KDM4B: variants seen among roughly 807,000 people sequenced by gnomAD.
The protein encoded by KDM4B is lysine-specific demethylase 4B.
KDM4B carries 32 observed loss-of-function variants against 125.2 expected under a neutral mutation model. The observed-to-expected ratio is 0.26, with a 90% CI of 0.19 to 0.34. The LOEUF (loss-of-function observed/expected upper bound fraction) is 0.34. Among genes scored for constraint, KDM4B ranks in the 10% least tolerant of loss-of-function variants. The probability of loss-of-function intolerance (pLI) is 1.00; values close to 1 mark genes in which losing one functional copy is unlikely to be tolerated. For missense variants in KDM4B, 1,190 were observed against 1,577.7 expected, an observed-to-expected ratio of 0.75 and a Z score of 4.16; for synonymous variants, 721 against 677.9, an observed-to-expected ratio of 1.06 and a Z score of -0.99.
chr19:5,133,839 AG>A, intron 13 of KDM4B, 43 bp from the exon 14 acceptor site: 1 of 1,597,676 alleles, frequency 6.3e-7, no homozygotes, highest in East Asian at 2.3e-5. Flanking sequence ...ACGAGTTTTT[AG>A]GGGGCTCAAG....
chr19:5,138,949 C>T (rs918216266), intron 18 of KDM4B, among the ~76,000 whole-genome samples: 10 of 152,206 alleles, frequency 6.6e-5, no homozygotes, highest in Non-Finnish European at 2.9e-5. Context: ...GAGACAGGGT[C>T]TCTCACTCTG....
At chr19:5,057,065 T>TGTGTGTGC (rs55806859) in intron 6 of KDM4B, among the ~76,000 whole-genome samples, 6,183 of 127,974 alleles carry the variant, frequency 0.048, 154 homozygotes, top group African/African-American at 0.085. Flanking sequence ...TGTGTGTGTG[T>TGTGTGTGC]GCGCGCGCGC....
Position 5,010,513 on chromosome 19 carries a change from G to A in KDM4B, c.-108-5744G>A, listed in dbSNP as rs546213387. Among the ~76,000 whole-genome samples, 3 of 152,298 alleles carry A rather than the reference G, an allele frequency of 2.0e-5. No homozygotes were observed. In the South Asian group the frequency reaches 6.2e-4, roughly 32 times the overall value. On this transcript the variant is annotated intron_variant, in intron 1 of 22. Coordinates refer to ENST00000159111, the MANE Select transcript of KDM4B (RefSeq NM_015015.3). ...TCACCAATTTTTACATTTCCGCGTG[G>A]CTCTTTCCTGCAGGAAATATTCCCG...
At chr19:4,995,085 A>G (rs1294574171) in intron 1 of KDM4B, among the ~76,000 whole-genome samples, 1 of 152,100 alleles carries the variant, frequency 6.6e-6, no homozygotes, top group Admixed American at 6.6e-5. Context: ...CCTCACATTC[A>G]GTGAAATGAA....
At chr19:5,020,138 GAT>G (rs1417245914) in intron 2 of KDM4B, among the ~76,000 whole-genome samples, 23 of 109,020 alleles carry the variant, frequency 2.1e-4, no homozygotes, top group Admixed American at 9.4e-4. Context: ...TGTTGGTGTG[GAT>G]GTTGGTGTGC....
chr19:5,001,405 A>G (rs905072953), intron 1 of KDM4B, among the ~76,000 whole-genome samples: 1 of 152,194 alleles, frequency 6.6e-6, no homozygotes. Context: ...TTCATTGGCC[A>G]GGGAGCTCTT....
At chr19:5,144,970 G>A in intron 21 of KDM4B, 68 bp downstream of exon 21, 5 of 1,599,946 alleles carry the variant, frequency 3.1e-6, no homozygotes, top group Non-Finnish European at 4.3e-6. Flanking sequence ...GGGGACAGGA[G>A]GATCACACCC....
intron 2 of KDM4B, among the ~76,000 whole-genome samples, chr19:5,019,373 CATTGGTGTGCAGGTGCTGGTGTGGAT>C (rs1716475684): frequency 2.2e-4 from 17 of 76,584 alleles, no homozygotes; most frequent in South Asian, 2.1e-3. Flanking sequence ...TTGGTGTGGA[CATTGGTGTGCAGGTGCTGGTGTGGAT>C]GTTGGTGTGC....
chr19:5,014,924 G>C (rs563943572), intron 1 of KDM4B, among the ~76,000 whole-genome samples: 7 of 151,800 alleles, frequency 4.6e-5, no homozygotes, highest in Non-Finnish European at 1.0e-4. Context: ...GAACCCGGCA[G>C]GCGGAGGTTG....
chr19:4,983,465 C>A (rs893147728), intron 1 of KDM4B, among the ~76,000 whole-genome samples: 2 of 152,366 alleles, frequency 1.3e-5, no homozygotes, highest in South Asian at 2.1e-4. Flanking sequence ...GGCTGTCTGG[C>A]GGTGGTCCTG....
chr19:5,036,074 C>T (rs1053328610), intron 3 of KDM4B, among the ~76,000 whole-genome samples: 5 of 152,170 alleles, frequency 3.3e-5, no homozygotes, highest in African/African-American at 7.2e-5. Flanking sequence ...CTGCGTCTTC[C>T]AAATGGGGGG....
intron 9 of KDM4B, among the ~76,000 whole-genome samples, chr19:5,089,097 T>C (rs567286004): frequency 3.3e-4 from 50 of 152,278 alleles, no homozygotes; most frequent in South Asian, 8.3e-4. Flanking sequence ...ATGAAAATGC[T>C]CTACCTTTGA....
intron 9 of KDM4B, among the ~76,000 whole-genome samples, chr19:5,106,362 T>G (rs913447463): frequency 6.6e-6 from 1 of 152,132 alleles, no homozygotes; most frequent in African/African-American, 2.4e-5. Flanking sequence ...AGGGGGAGAT[T>G]AGGGATGAGC....
chr19:5,137,942 C>T lies in KDM4B; in HGVS notation c.2442-20C>T, dbSNP rs2291143. ...AGGTCCTCAGAGGCGCACCTGACCC[C>T]GCTGCACCTGCCCTCCCAGGTGGAT... On this transcript the variant is annotated intron_variant, in intron 17 of 22. Coordinates refer to ENST00000159111, the MANE Select transcript of KDM4B (RefSeq NM_015015.3). 522 of 1,598,310 alleles carry T rather than the reference C, an allele frequency of 3.3e-4. 5 individuals carry two copies. The East Asian group carries it at 8.1e-3, about 25-fold the overall frequency.
At chr19:5,028,087 C>T (rs999159221) in intron 2 of KDM4B, among the ~76,000 whole-genome samples, 1 of 152,176 alleles carries the variant, frequency 6.6e-6, no homozygotes, top group African/African-American at 2.4e-5. Flanking sequence ...AGTGATACTC[C>T]TGCCTCAGCT....
In KDM4B at chr19:5,035,663, G is replaced by A. The variant is rs552920627; in HGVS notation, c.141+2632G>A. Among the ~76,000 whole-genome samples the A allele has an allele frequency of 9.9e-4, 150 of 152,198 alleles. No individual in the cohort carries two copies. The highest frequency in any genetic ancestry group is 3.4e-3 in the Middle Eastern group (1 of 294). ...AGTTCCCCCGAGATTCTTGGCACCGGCGTCTTAAGCCAGTGTGGGGAGTAT... is the reference window on the plus strand; with the variant it reads ...AGTTCCCCCGAGATTCTTGGCACCGACGTCTTAAGCCAGTGTGGGGAGTAT... On this transcript the variant is annotated intron_variant, in intron 3 of 22. Coordinates refer to ENST00000159111, the MANE Select transcript of KDM4B (RefSeq NM_015015.3). This position sits in a 1 kb window ranked among gnomAD's most constrained non-coding sequence, Gnocchi z 5.3.
rs553207452 is a variant in KDM4B at position 5,077,747 on chromosome 19, C to T, written c.780+277C>T. 2.7e-4 allele frequency: 114 copies of T among 426,674 alleles called. 1 individual carries two copies. The highest frequency in any genetic ancestry group is 1.8e-3 in the South Asian group (63 of 35,158). 26.4% of individuals were successfully genotyped at this position (426,674 alleles called of 1,614,324 possible). On this transcript the variant is annotated intron_variant, in intron 8 of 22. Coordinates refer to ENST00000159111, the MANE Select transcript of KDM4B (RefSeq NM_015015.3). ...TGGGTGTGGCCATCAGAGGCCCCTC[C>T]GCAGGGGCTGCAGGGGTGGAAGGGC...
chr19:5,065,157 G>A lies in KDM4B; in HGVS notation c.627-5853G>A, dbSNP rs143574098. On this transcript the variant is annotated intron_variant, in intron 6 of 22. Transcript: ENST00000159111. ...CACCTAGCACAGGAGGGGCCACAGCGCCTGCTTTGCAGAGACCAGTGGGGG... is the reference window on the plus strand; with the variant it reads ...CACCTAGCACAGGAGGGGCCACAGCACCTGCTTTGCAGAGACCAGTGGGGG... 9.6e-4 allele frequency among the ~76,000 whole-genome samples: 147 copies of A among 152,370 alleles called. 2 individuals are homozygous for A. Among genetic ancestry groups the A allele is most frequent in the African/African-American group, 3.2e-3 (133 of 41,592 alleles).
At chr19:5,013,134 T>C (rs1227047490) in intron 1 of KDM4B, among the ~76,000 whole-genome samples, 1 of 152,210 alleles carries the variant, frequency 6.6e-6, no homozygotes, top group African/African-American at 2.4e-5. Context: ...ACCCGTGGTC[T>C]TGGTAGCACC....
Sources: allele counts gnomAD v4.1 joint callset (sites outside exome capture counted in the v4.1 genomes callset), GRCh38; gene constraint gnomAD v4.1.1; non-coding constraint Gnocchi (gnomAD v3.1); transcripts MANE v1.5; gene names NCBI Gene and HGNC (gene_info 2026-07-23, HGNC 2026-07-21).